Variants in CCDC38 observed in about 807,000 individuals in gnomAD.
The protein encoded by CCDC38 is coiled-coil domain-containing protein 38.
In CCDC38, 69 loss-of-function variants were observed where a neutral mutation model predicts 72.8. The ratio of observed to expected loss-of-function variants is 0.95; its 90% CI spans 0.78 to 1.16. The LOEUF (loss-of-function observed/expected upper bound fraction) is 1.16, where lower values mean the gene tolerates loss of function less well. Among genes scored for constraint, CCDC38 ranks in the 50% most tolerant of loss-of-function variants. The pLI, the probability that CCDC38 is intolerant of heterozygous loss-of-function variation, is 0.00. For synonymous variants in CCDC38, 201 were observed against 213.2 expected, an observed-to-expected ratio of 0.94 and a Z score of 0.50; for missense variants, 626 against 638.9, an observed-to-expected ratio of 0.98 and a Z score of 0.22.
At chr12:95,894,047 C>T (rs2079859101) in intron 8 of CCDC38, among the ~76,000 whole-genome samples, 2 of 152,098 alleles carry the variant, frequency 1.3e-5, no homozygotes, top group East Asian at 3.9e-4. Context: ...GGTGAAACCC[C>T]GTCTCTACTA....
chr12:95,908,104 G>A (rs1592784107), intron 4 of CCDC38, among the ~76,000 whole-genome samples: 1 of 152,058 alleles, frequency 6.6e-6, no homozygotes, highest in African/African-American at 2.4e-5. Flanking sequence ...GGGAGGCCAA[G>A]GCAGGCTGCC....
rs377072089 is a variant in CCDC38 at position 95,927,725 on chromosome 12, G to A, written c.37+8748C>T. On this transcript the variant is annotated intron_variant, in intron 2 of 15. Transcript: ENST00000344280. ...CACTTCCTTCAGGAGCTCTTGTAGG[G>A]CAGGCCTGGTGGTGACAAAATCGCT... Among the ~76,000 whole-genome samples, 24 of 152,180 alleles carry A rather than the reference G, an allele frequency of 1.6e-4. No homozygotes were observed. In the South Asian group the frequency reaches 2.9e-3, roughly 18 times the overall value.
chr12:95,877,703 G>A, intron 13 of CCDC38, among the ~76,000 whole-genome samples: 1 of 152,166 alleles, frequency 6.6e-6, no homozygotes, highest in Admixed American at 6.6e-5. Flanking sequence ...CTAGCTGAGA[G>A]ATGAACTTGT....
chr12:95,932,396 G>C (rs1434751772), intron 2 of CCDC38, among the ~76,000 whole-genome samples: 1 of 151,602 alleles, frequency 6.6e-6, no homozygotes, highest in Non-Finnish European at 1.5e-5. Flanking sequence ...CCTTCCATTT[G>C]TTTCTTCATT....
At chr12:95,892,300 T>C (rs2079836970) in intron 8 of CCDC38, among the ~76,000 whole-genome samples, 1 of 145,946 alleles carries the variant, frequency 6.9e-6, no homozygotes, top group African/African-American at 2.6e-5. Context: ...TTTTTTTTTT[T>C]TGGAGACAGG....
At chr12:95,902,114 T>G (rs2079956493) in intron 5 of CCDC38, among the ~76,000 whole-genome samples, 1 of 152,128 alleles carries the variant, frequency 6.6e-6, no homozygotes, top group Non-Finnish European at 1.5e-5. Context: ...AATAGGATGT[T>G]TGTATGTTGG....
chr12:95,909,887 C>T (rs1280399877), intron 4 of CCDC38, among the ~76,000 whole-genome samples: 8 of 152,098 alleles, frequency 5.3e-5, no homozygotes, highest in African/African-American at 1.9e-4. Context: ...AACTAGGCAT[C>T]GAAGGAACAT....
chr12:95,902,322 A>C (rs528712901), intron 5 of CCDC38, among the ~76,000 whole-genome samples: 1 of 152,290 alleles, frequency 6.6e-6, no homozygotes, highest in South Asian at 2.1e-4. Context: ...CAATGAACAT[A>C]TTCATCACCT....
chr12:95,899,416 G>A (rs768258105), intron 5 of CCDC38, among the ~76,000 whole-genome samples: 2 of 152,132 alleles, frequency 1.3e-5, no homozygotes, highest in Non-Finnish European at 2.9e-5. Context: ...TCCCACCTCA[G>A]CCACTCAAGT....
intron 10 of CCDC38, among the ~76,000 whole-genome samples, chr12:95,888,106 A>C (rs528155105): frequency 4.6e-5 from 7 of 152,348 alleles, no homozygotes; most frequent in East Asian, 1.9e-4. Context: ...ACAACAACAA[A>C]AAAATACTTT....
chr12:95,895,668 G>A (rs1009367024), intron 7 of CCDC38, among the ~76,000 whole-genome samples: 15 of 145,728 alleles, frequency 1.0e-4, no homozygotes, highest in South Asian at 2.2e-4. Context: ...CAGGAGAATC[G>A]CTTGAACCCG....
intron 10 of CCDC38, among the ~76,000 whole-genome samples, chr12:95,882,043 G>A (rs2079706300): frequency 6.6e-6 from 1 of 152,154 alleles, no homozygotes; most frequent in Non-Finnish European, 1.5e-5. Flanking sequence ...TTCCAATCAG[G>A]CTGACAAAAT....
At chr12:95,885,954 T>C (rs1343760578) in intron 10 of CCDC38, among the ~76,000 whole-genome samples, 2 of 152,184 alleles carry the variant, frequency 1.3e-5, no homozygotes, top group East Asian at 3.8e-4. Flanking sequence ...GGATAACATA[T>C]CTATACTGTG....
intron 8 of CCDC38, among the ~76,000 whole-genome samples, chr12:95,892,754 A>G (rs1158953861): frequency 6.6e-6 from 1 of 151,782 alleles, no homozygotes; most frequent in Non-Finnish European, 1.5e-5. Context: ...ATTTTTTAGT[A>G]GAGACGGGGT....
At chr12:95,911,299 A>C (rs2080091884) in intron 4 of CCDC38, among the ~76,000 whole-genome samples, 1 of 152,176 alleles carries the variant, frequency 6.6e-6, no homozygotes, top group Non-Finnish European at 1.5e-5. Context: ...CCAAAAGAAA[A>C]TCTGGGACAT....
At chr12:95,918,400 T>C (rs1376665531) in intron 3 of CCDC38, among the ~76,000 whole-genome samples, 2 of 152,236 alleles carry the variant, frequency 1.3e-5, no homozygotes, top group Non-Finnish European at 2.9e-5. Context: ...CAGCCTTTTT[T>C]CCATCTTCTC....
At chr12:95,923,034 G>T (rs1043749663) in intron 2 of CCDC38, among the ~76,000 whole-genome samples, 4 of 152,014 alleles carry the variant, frequency 2.6e-5, no homozygotes, top group Non-Finnish European at 5.9e-5. Flanking sequence ...TCTCTTGAGG[G>T]TCTGAGTAGA....
Position 95,906,374 on chromosome 12 carries a change from T to C in CCDC38, c.369+13A>G. 2 of 1,594,802 alleles carry C rather than the reference T, an allele frequency of 1.3e-6. No individual in the cohort carries two copies. The highest frequency in any genetic ancestry group is 1.7e-6 in the Non-Finnish European group (2 of 1,164,726). ...CTTCCACTTGGCTAGGGGAGAAAAG[T>C]TATTTTTACTACCTCGAGCAGAAAC... On this transcript the variant is annotated intron_variant, in intron 5 of 15. Transcript: ENST00000344280.
At chr12:95,935,023 A>C (rs543673977) in intron 2 of CCDC38, 2 of 152,180 alleles carry the variant, frequency 1.3e-5, no homozygotes, top group South Asian at 4.2e-4. Context: ...CCATTATCCC[A>C]TTCCCTGGTT....
Sources: allele counts gnomAD v4.1 joint callset (sites outside exome capture counted in the v4.1 genomes callset), GRCh38; gene constraint gnomAD v4.1.1; transcripts MANE v1.5; gene names NCBI Gene and HGNC (gene_info 2026-07-23, HGNC 2026-07-21).